KDM4B: variants seen among roughly 807,000 people sequenced by gnomAD.
KDM4B encodes lysine demethylase 4B, also known as lysine-specific demethylase 4B.
KDM4B carries 32 observed loss-of-function variants against 125.2 expected under a neutral mutation model. The observed-to-expected ratio is 0.26, with a 90% CI of 0.19 to 0.34. The LOEUF (loss-of-function observed/expected upper bound fraction) is 0.34. Ranked by LOEUF, KDM4B falls within the 10% of genes least tolerant of loss-of-function variation. The pLI, the probability that KDM4B is intolerant of heterozygous loss-of-function variation, is 1.00. For synonymous variants in KDM4B, 721 were observed against 677.9 expected (o/e 1.06, Z -0.99); for missense variants, 1,190 against 1,577.7 (o/e 0.75, Z 4.16).
intron 1 of KDM4B, among the ~76,000 whole-genome samples, chr19:4,995,730 C>G (rs1051119117): frequency 6.6e-6 from 1 of 152,228 alleles, no homozygotes; most frequent in Admixed American, 6.5e-5. Context: ...GACCTTGGGT[C>G]CCAGCACAGT....
At chr19:5,013,612 C>G (rs892406070) in intron 1 of KDM4B, among the ~76,000 whole-genome samples, 2 of 152,184 alleles carry the variant, frequency 1.3e-5, no homozygotes, top group Non-Finnish European at 1.5e-5. Context: ...GCTTGGGGCC[C>G]TTCCTCCCCC....
chr19:5,139,891 CT>C (rs1165879275), intron 18 of KDM4B, among the ~76,000 whole-genome samples: 1 of 152,260 alleles, frequency 6.6e-6, no homozygotes, highest in African/African-American at 2.4e-5. Flanking sequence ...GCTTGTGAAG[CT>C]TCCTCCTGCT....
chr19:5,031,174 G>C (rs560557654), intron 2 of KDM4B, among the ~76,000 whole-genome samples: 6 of 152,234 alleles, frequency 3.9e-5, no homozygotes, highest in Admixed American at 6.5e-5. Context: ...GCGTTGGGGG[G>C]ATCCTGGGGC....
chr19:5,019,512 G>GCA (rs1296271562), intron 2 of KDM4B, among the ~76,000 whole-genome samples: 6 of 149,342 alleles, frequency 4.0e-5, no homozygotes, highest in Admixed American at 1.3e-4. Flanking sequence ...ATGTTGGTGT[G>GCA]GGTGTTGGTG....
chr19:5,059,691 C>G (rs1441612425), intron 6 of KDM4B, among the ~76,000 whole-genome samples: 1 of 152,248 alleles, frequency 6.6e-6, no homozygotes, highest in Non-Finnish European at 1.5e-5. Context: ...TCCAGGCCAT[C>G]TCGGTCACCA....
intron 9 of KDM4B, among the ~76,000 whole-genome samples, chr19:5,097,786 GAA>G (rs1302741557): frequency 2.0e-5 from 3 of 152,230 alleles, no homozygotes; most frequent in Admixed American, 6.5e-5. Flanking sequence ...GGCTGTTCCA[GAA>G]AGTCTATGAG....
Position 5,082,043 on chromosome 19 carries a change from C to T in KDM4B, c.781-324C>T, listed in dbSNP as rs529312921. On this transcript the variant is annotated intron_variant, in intron 8 of 22. Transcript: ENST00000159111. This position sits in a 1 kb window ranked among gnomAD's most constrained non-coding sequence, Gnocchi z 5.4. ...CCCCCACGGGCATTGTGTCCAGCCACGGCTCCATCTGCGGTTCTCCCACTG... is the reference window on the plus strand; with the variant it reads ...CCCCCACGGGCATTGTGTCCAGCCATGGCTCCATCTGCGGTTCTCCCACTG... Among the ~76,000 whole-genome samples, 36 of 152,202 alleles carry T rather than the reference C, an allele frequency of 2.4e-4. No homozygotes were observed. Among genetic ancestry groups the T allele is most frequent in the Admixed American group, 3.9e-4 (6 of 15,282 alleles).
Position 5,152,669 on chromosome 19 carries a change from G to A in KDM4B, c.*1158G>A, listed in dbSNP as rs1568331550. 3 of 152,248 alleles carry A rather than the reference G, an allele frequency of 2.0e-5. No individual in the cohort carries two copies. The highest frequency in any genetic ancestry group is 7.2e-5 in the African/African-American group (3 of 41,464). The allele number at this position is 152,248 out of a possible 1,614,324, so 9.4% of individuals were successfully genotyped here. On this transcript the variant is annotated 3_prime_UTR_variant, in exon 23 of 23. Coordinates refer to ENST00000159111, the MANE Select transcript of KDM4B (RefSeq NM_015015.3). ...TTCTTAGGAGTGGGTTGAGCTGATA[G>A]AGAAAAAACGGCCTTCAGCCCAGGC...
chr19:5,028,182 G>C (rs2036340783), intron 2 of KDM4B, among the ~76,000 whole-genome samples: 1 of 152,056 alleles, frequency 6.6e-6, no homozygotes, highest in African/African-American at 2.4e-5. Flanking sequence ...TCCCTACGTT[G>C]CCTAGGCTGG....
chr19:5,009,577 A>G (rs759669160), intron 1 of KDM4B, among the ~76,000 whole-genome samples: 2 of 152,136 alleles, frequency 1.3e-5, no homozygotes, highest in Non-Finnish European at 1.5e-5. Flanking sequence ...TTAACTTTTT[A>G]TTTTGAAATA....
intron 1 of KDM4B, among the ~76,000 whole-genome samples, chr19:4,983,569 C>A (rs971743365): frequency 1.3e-5 from 2 of 152,186 alleles, no homozygotes; most frequent in Admixed American, 6.5e-5. Flanking sequence ...GGGGTCCTGG[C>A]GGCCCAGCCT....
chr19:5,137,589 C>G (rs745347142), intron 16 of KDM4B, 32 bp from the exon 17 acceptor site: 1 of 1,594,752 alleles, frequency 6.3e-7, no homozygotes, highest in Admixed American at 1.7e-5. Flanking sequence ...TGCTCCGAGC[C>G]CTGCTCATCC....
intron 9 of KDM4B, among the ~76,000 whole-genome samples, chr19:5,092,760 G>A (rs1240360583): frequency 1.3e-5 from 2 of 152,188 alleles, no homozygotes; most frequent in East Asian, 3.9e-4. Context: ...AGTCAGAGGA[G>A]GGGGCTCGCA....
intron 1 of KDM4B, among the ~76,000 whole-genome samples, chr19:5,015,865 T>G (rs1480718232): frequency 2.0e-5 from 3 of 152,116 alleles, no homozygotes; most frequent in Non-Finnish European, 4.4e-5. Context: ...CTCTGCCTCT[T>G]GGTGTTGGGA....
At chr19:5,150,320 G>A (rs1424821401) in intron 21 of KDM4B, 38 bp from the exon 22 acceptor site, 6 of 1,520,422 alleles carry the variant, frequency 3.9e-6, no homozygotes, top group Non-Finnish European at 5.4e-6. Context: ...CTGCCATCCT[G>A]GCAGTGCCAG....
At chr19:5,119,218 T>G (rs577867490) in intron 10 of KDM4B, 1 of 1,527,622 alleles carries the variant, frequency 6.5e-7, no homozygotes, top group Non-Finnish European at 8.8e-7. Flanking sequence ...GCCGGGGCTG[T>G]CGTAAGTGTC....
intron 10 of KDM4B, chr19:5,111,419 TCTGGTGTCCGC>T: frequency 1.3e-6 from 1 of 765,294 alleles, no homozygotes; most frequent in Non-Finnish European, 2.4e-6. Flanking sequence ...CAGCCAGGTA[TCTGGTGTCCGC>T]CTGGAGGAGA....
intron 3 of KDM4B, among the ~76,000 whole-genome samples, chr19:5,037,215 G>C (rs969080030): frequency 2.6e-5 from 4 of 152,194 alleles, no homozygotes; most frequent in Non-Finnish European, 5.9e-5. Context: ...AGCCGGGCCA[G>C]GTTCATGGAA....
chr19:5,090,363 CTCAT>C (rs2038652713), intron 9 of KDM4B, among the ~76,000 whole-genome samples: 2 of 132,814 alleles, frequency 1.5e-5, no homozygotes, highest in Admixed American at 7.8e-5. Context: ...TCTCTCTCTC[CTCAT>C]CTCTCTCTCC....
Sources: gnomAD v4.1 joint callset for allele counts (sites outside exome capture counted in the v4.1 genomes callset) on GRCh38, gnomAD v4.1.1 for gene constraint, Gnocchi (gnomAD v3.1) non-coding constraint, MANE v1.5 for transcripts, NCBI Gene and HGNC (gene_info 2026-07-23, HGNC 2026-07-21) for gene names.